Variants in WDR70 observed in about 807,000 individuals in gnomAD.
WDR70 encodes WD repeat-containing protein 70.
Under a neutral mutation model 88.6 loss-of-function variants are expected in WDR70, and 53 were observed. That is an observed-to-expected ratio of 0.60 (90% CI 0.48 to 0.75). The LOEUF (loss-of-function observed/expected upper bound fraction) is 0.75. Among genes scored for constraint, WDR70 ranks in the 30% least tolerant of loss-of-function variants. The pLI is 0.00. For synonymous variants in WDR70, 280 were observed against 270.0 expected (o/e 1.04, Z -0.36); for missense variants, 610 against 823.2 (o/e 0.74, Z 3.17).
intron 7 of WDR70, among the ~76,000 whole-genome samples, chr5:37,449,299 A>C (rs538197666): frequency 6.6e-6 from 1 of 152,196 alleles, no homozygotes; most frequent in Admixed American, 6.5e-5. Context: ...TTGATACTGC[A>C]GGATGCTCCA....
intron 10 of WDR70, among the ~76,000 whole-genome samples, chr5:37,636,476 G>A (rs1744968114): frequency 6.6e-6 from 1 of 152,110 alleles, no homozygotes; most frequent in Non-Finnish European, 1.5e-5. Flanking sequence ...TAGTTTCAAG[G>A]TATTTCCTCA....
intron 10 of WDR70, chr5:37,687,982 A>G (rs1234623885): frequency 2.9e-6 from 2 of 689,176 alleles, no homozygotes; most frequent in Non-Finnish European, 5.3e-6. Flanking sequence ...TGTGATGTGA[A>G]TCCACTGGAC....
intron 8 of WDR70, among the ~76,000 whole-genome samples, chr5:37,482,486 TGA>T (rs1385658681): frequency 6.6e-6 from 1 of 152,144 alleles, no homozygotes; most frequent in Non-Finnish European, 1.5e-5. Flanking sequence ...TCAGATCTCA[TGA>T]GACTTATTCA....
chr5:37,714,556 T>C (rs981438621), intron 13 of WDR70, among the ~76,000 whole-genome samples: 4 of 152,196 alleles, frequency 2.6e-5, no homozygotes, highest in African/African-American at 7.2e-5. Flanking sequence ...CTCTTAGGCA[T>C]GAGGGGCTCC....
chr5:37,467,315 A>G (rs1426596754), intron 7 of WDR70, among the ~76,000 whole-genome samples: 3 of 151,992 alleles, frequency 2.0e-5, no homozygotes, highest in South Asian at 2.1e-4. Flanking sequence ...TTGGCAAATT[A>G]TGTTTCTTAA....
chr5:37,449,025 A>G (rs1204100595), intron 7 of WDR70, among the ~76,000 whole-genome samples: 1 of 152,148 alleles, frequency 6.6e-6, no homozygotes, highest in Non-Finnish European at 1.5e-5. Flanking sequence ...TAGGTTCTTC[A>G]TGGTAAAGTT....
At chr5:37,486,084 G>A (rs1243829581) in intron 8 of WDR70, among the ~76,000 whole-genome samples, 2 of 151,820 alleles carry the variant, frequency 1.3e-5, no homozygotes, top group Non-Finnish European at 2.9e-5. Context: ...AATGTGACCA[G>A]TAGCTTGCTG....
intron 9 of WDR70, among the ~76,000 whole-genome samples, chr5:37,543,461 A>G (rs1581381195): frequency 6.6e-6 from 1 of 152,142 alleles, no homozygotes; most frequent in Admixed American, 6.6e-5. Flanking sequence ...TGGTATAGCA[A>G]AAATAAAGTG....
Position 37,479,814 on chromosome 5 carries a change from T to G in WDR70, c.687-20T>G. 1 of 1,600,580 alleles carries G rather than the reference T, an allele frequency of 6.2e-7. No individual in the cohort carries two copies. The highest frequency in any genetic ancestry group is 1.1e-5 in the South Asian group (1 of 89,086). Reference sequence around the variant, plus strand: ...CATTGTGCTTAGTATCTTACCAACTTTCCTTTTCTTTTCGTACAGCCATCA... The same window carrying G: ...CATTGTGCTTAGTATCTTACCAACTGTCCTTTTCTTTTCGTACAGCCATCA... On this transcript the variant is annotated intron_variant, in intron 7 of 17. Coordinates refer to ENST00000265107, the MANE Select transcript of WDR70 (RefSeq NM_018034.4).
intron 17 of WDR70, among the ~76,000 whole-genome samples, chr5:37,750,286 C>A (rs1188254426): frequency 6.6e-6 from 1 of 152,144 alleles, no homozygotes; most frequent in African/African-American, 2.4e-5. Flanking sequence ...GTAATCCCAG[C>A]ACTTTGGGAG....
At chr5:37,426,791 G>A (rs1411204673) in intron 5 of WDR70, among the ~76,000 whole-genome samples, 1 of 98,654 alleles carries the variant, frequency 1.0e-5, no homozygotes, top group South Asian at 4.4e-4. Context: ...GCCTAATCTA[G>A]GTTCTTTTTT....
intron 9 of WDR70, among the ~76,000 whole-genome samples, chr5:37,524,194 T>G (rs933605838): frequency 6.6e-6 from 1 of 151,906 alleles, no homozygotes; most frequent in Non-Finnish European, 1.5e-5. Flanking sequence ...TCACCAAAGT[T>G]GAAATGAAGG....
At chr5:37,709,619 T>C (rs1348145365) in intron 13 of WDR70, among the ~76,000 whole-genome samples, 2 of 152,200 alleles carry the variant, frequency 1.3e-5, no homozygotes, top group African/African-American at 2.4e-5. Flanking sequence ...CAGTACATGT[T>C]TCTTTCTCTG....
chr5:37,575,409 C>T (rs552512854), intron 9 of WDR70, among the ~76,000 whole-genome samples: 1 of 152,230 alleles, frequency 6.6e-6, no homozygotes, highest in South Asian at 2.1e-4. Flanking sequence ...TTCTGGATGG[C>T]TTCAACATGG....
chr5:37,461,485 A>G (rs4546409), intron 7 of WDR70, among the ~76,000 whole-genome samples: 39,353 of 151,272 alleles, frequency 0.26, 5,711 homozygotes, highest in East Asian at 0.48. Flanking sequence ...TTGTTGTTGT[A>G]AACTGTGCAA....
intron 8 of WDR70, among the ~76,000 whole-genome samples, chr5:37,511,796 G>T (rs1740729689): frequency 1.3e-5 from 2 of 152,068 alleles, no homozygotes; most frequent in South Asian, 4.1e-4. Flanking sequence ...CCTTACTCCA[G>T]TTGTCCCCAG....
At chr5:37,593,847 T>C (rs961331004) in intron 9 of WDR70, among the ~76,000 whole-genome samples, 3 of 152,210 alleles carry the variant, frequency 2.0e-5, no homozygotes, top group African/African-American at 7.2e-5. Flanking sequence ...CCATTCTTAC[T>C]GGCGTAAGAT....
At chr5:37,501,502 T>TA (rs552561345) in intron 8 of WDR70, among the ~76,000 whole-genome samples, 4 of 152,026 alleles carry the variant, frequency 2.6e-5, no homozygotes, top group Admixed American at 2.0e-4. Flanking sequence ...CTGATGAGCT[T>TA]AAAAAAAATT....
chr5:37,607,017 C>A (rs527780532), intron 10 of WDR70, among the ~76,000 whole-genome samples: 1 of 150,124 alleles, frequency 6.7e-6, no homozygotes, highest in African/African-American at 2.5e-5. Context: ...CAGCTCACTG[C>A]AACCTCTGCC....
Sources: allele counts gnomAD v4.1 joint callset (sites outside exome capture counted in the v4.1 genomes callset), GRCh38; gene constraint gnomAD v4.1.1; transcripts MANE v1.5; gene names NCBI Gene and HGNC (gene_info 2026-07-23, HGNC 2026-07-21).